PAX9: variants seen among roughly 807,000 people sequenced by gnomAD.
The protein encoded by PAX9 is paired box 9.
Under a neutral mutation model 29.1 loss-of-function variants are expected in PAX9, and 6 were observed. The ratio of observed to expected loss-of-function variants is 0.21; its 90% confidence interval spans 0.11 to 0.41. The LOEUF (loss-of-function observed/expected upper bound fraction) is 0.41, where lower values mean the gene tolerates loss of function less well. Among genes scored for constraint, PAX9 ranks in the 10% least tolerant of loss-of-function variants. PAX9 has a pLI of 1.00. For synonymous variants in PAX9, 217 were observed against 211.7 expected (o/e 1.03, Z -0.22); for missense variants, 443 against 479.1 (o/e 0.92, Z 0.70).
chr14:36,660,195 T>C (rs1406547361), upstream of PAX9, among the ~76,000 whole-genome samples: 1 of 152,244 alleles, frequency 6.6e-6, no homozygotes, highest in African/African-American at 2.4e-5. Flanking sequence ...CTGCTGCTTC[T>C]AAAATCTTTA....
chr14:36,657,737 G>T (rs1881083350), upstream of PAX9: 2 of 152,278 alleles, frequency 1.3e-5, no homozygotes, highest in African/African-American at 4.8e-5. Context: ...CTACCTAGTG[G>T]AGCCGCGGAG....
chr14:36,670,408 G>A (rs1013355506), intron 3 of PAX9, among the ~76,000 whole-genome samples: 1 of 151,856 alleles, frequency 6.6e-6, no homozygotes, highest in Non-Finnish European at 1.5e-5. Flanking sequence ...TTCTTATGAA[G>A]CATTTACTTG....
At chr14:36,666,306 G>T in intron 2 of PAX9, 156 bp from the exon 3 acceptor site, 1 of 863,742 alleles carries the variant, frequency 1.2e-6, no homozygotes, top group Non-Finnish European at 1.7e-6. Flanking sequence ...AAGCACAGGA[G>T]GTCGCGGCTG....
chr14:36,678,624 C>A lies in PAX9; in HGVS notation c.*2172C>A. On this transcript the variant is annotated 3_prime_UTR_variant, in exon 4 of 4. Transcript: ENST00000361487. ...TGTAAGGTACAGAACTATTCTTTAT[C>A]AAATGTTTTTAGGTGGCTGTTAGGG... The A allele has an allele frequency of 7.6e-7, 1 of 1,312,620 alleles. No homozygotes were observed. The highest frequency in any genetic ancestry group is 2.1e-4 in the Middle Eastern group (1 of 4,776). The allele number at this position is 1,312,620 out of a possible 1,614,324, so 81.3% of individuals were successfully genotyped here.
chr14:36,674,311 T>C (rs1881803978), intron 3 of PAX9, among the ~76,000 whole-genome samples: 2 of 152,236 alleles, frequency 1.3e-5, no homozygotes, highest in Admixed American at 1.3e-4. Flanking sequence ...TTAAATTAAA[T>C]TGCATCTATC....
intron 2 of PAX9, among the ~76,000 whole-genome samples, chr14:36,664,265 C>T (rs11846399): frequency 0.037 from 5,622 of 152,310 alleles, 373 homozygotes; most frequent in African/African-American, 0.13. Flanking sequence ...GTGGCATCAG[C>T]CACTGCAGTG....
At chr14:36,659,207 C>A (rs566769526), upstream of PAX9, among the ~76,000 whole-genome samples, 1 of 152,360 alleles carries the variant, frequency 6.6e-6, no homozygotes, top group Non-Finnish European at 1.5e-5. Flanking sequence ...CCAGAGTGAG[C>A]AGTGTAACCA....
At chr14:36,666,726 G>A (rs1881509692) in intron 3 of PAX9, 125 bp downstream of exon 3, 1 of 1,269,642 alleles carries the variant, frequency 7.9e-7, no homozygotes, top group Non-Finnish European at 1.1e-6. Flanking sequence ...TCCCTTTGCT[G>A]CTACGAGCCA....
intron 2 of PAX9, 120 bp from the exon 3 acceptor site, chr14:36,666,342 G>A: frequency 1.5e-6 from 2 of 1,368,860 alleles, no homozygotes; most frequent in South Asian, 2.9e-5. Context: ...GGAGGCCAAG[G>A]GCAGGGAGCC....
At chr14:36,675,966 C>T (rs936832114) in intron 3 of PAX9, among the ~76,000 whole-genome samples, 12 of 152,168 alleles carry the variant, frequency 7.9e-5, no homozygotes, top group African/African-American at 2.9e-4. Flanking sequence ...CTGGTTGCAG[C>T]TTTCTCTAAA....
Position 36,666,486 on chromosome 14 carries a change from GC to G in PAX9, c.660del (p.Lys221ArgfsTer21). The G allele has an allele frequency of 6.2e-7, 1 of 1,610,810 alleles. No individual in the cohort carries two copies. The highest frequency in any genetic ancestry group is 8.5e-7 in the Non-Finnish European group (1 of 1,178,894). On this transcript the variant is annotated frameshift_variant, in exon 3 of 4. Coordinates refer to ENST00000361487, the MANE Select transcript of PAX9 (RefSeq NM_001372076.1). LOFTEE classifies it high-confidence loss of function. Reference protein sequence around the residue: ...DQVSDSSPYHSPKVEEWSSLG... With the variant: ...DQVSDSSPYHXPKVEEWSSLG... ...GTGAGCGACAGCTCCCCCTACCACA[GC>G]CCCAAGGTGGAGGAGTGGAGCAGCC...
chr14:36,661,129 T>C (rs1881244057), upstream of PAX9, among the ~76,000 whole-genome samples: 1 of 152,226 alleles, frequency 6.6e-6, no homozygotes. Context: ...TTGGTCGACT[T>C]GGGGCTGTGC....
chr14:36,659,267 T>TA (rs1384533186), upstream of PAX9, among the ~76,000 whole-genome samples: 1 of 152,202 alleles, frequency 6.6e-6, no homozygotes, highest in Non-Finnish European at 1.5e-5. Context: ...CCTGCATCCT[T>TA]ACATTCATCG....
intron 3 of PAX9, among the ~76,000 whole-genome samples, chr14:36,675,942 A>G (rs980871428): frequency 6.6e-6 from 1 of 152,174 alleles, no homozygotes; most frequent in Non-Finnish European, 1.5e-5. Context: ...GCACAAGCAA[A>G]TACTACGAAT....
chr14:36,668,383 T>C (rs1280818233), intron 3 of PAX9, among the ~76,000 whole-genome samples: 3 of 151,216 alleles, frequency 2.0e-5, no homozygotes, highest in Admixed American at 6.6e-5. Context: ...AAACCCTTTA[T>C]ACTTATTATT....
chr14:36,662,694 A>C, intron 1 of PAX9: 2 of 623,008 alleles, frequency 3.2e-6, no homozygotes, highest in Non-Finnish European at 5.5e-6. Flanking sequence ...CACGGCAGGA[A>C]TGAGGGAGGG....
intron 3 of PAX9, among the ~76,000 whole-genome samples, chr14:36,670,827 A>G (rs1473772802): frequency 6.6e-6 from 1 of 152,066 alleles, no homozygotes; most frequent in Non-Finnish European, 1.5e-5. Context: ...AATTTAGAAA[A>G]GCTTTTAAAT....
upstream of PAX9, among the ~76,000 whole-genome samples, chr14:36,658,380 G>A (rs559991271): frequency 6.6e-6 from 1 of 152,022 alleles, no homozygotes; most frequent in South Asian, 2.1e-4. Flanking sequence ...GCTTGGGGGG[G>A]GGGGGTCCTG....
At position 36,678,956 on chromosome 14, in the gene PAX9, T is replaced by TATTA; in HGVS notation, c.*2505_*2508dup. 1 of 981,906 alleles carries TATTA rather than the reference T, an allele frequency of 1.0e-6. No homozygotes were observed. Among genetic ancestry groups the TATTA allele is most frequent in the South Asian group, 4.7e-5 (1 of 21,214 alleles). 60.8% of individuals were successfully genotyped at this position (981,906 alleles called of 1,614,324 possible). On this transcript the variant is annotated 3_prime_UTR_variant, in exon 4 of 4. Transcript: ENST00000361487. ...GATTAAAGGGTTAACTTTTAAAGAT[T>TATTA]ATTATTGGTTAATGTTGACATATTT...
Sources: gnomAD v4.1 joint callset for allele counts (sites outside exome capture counted in the v4.1 genomes callset) on GRCh38, gnomAD v4.1.1 for gene constraint, MANE v1.5 for transcripts, NCBI Gene and HGNC (gene_info 2026-07-23, HGNC 2026-07-21) for gene names.